The following ZNF345 variants were observed in gnomAD, a reference collection of about 807,000 sequenced individuals.
ZNF345 encodes zinc finger protein 345, also known as zinc finger protein HZF10.
For missense variants in ZNF345, 527 were observed against 589.9 expected (o/e 0.89, Z 1.10); for synonymous variants, 166 against 187.9 (o/e 0.88, Z 0.95).
In ZNF345 at chr19:36,878,276, C is replaced by A. The variant is rs200753949; in HGVS notation, c.1446C>A (p.Cys482Ter). The change falls in exon 3 of 3, where the codon TGC (cysteine) becomes TGA (stop). Residue 482 changes from cysteine (C) to a stop codon, truncating the protein, a stop_gained. Coordinates refer to ENST00000420450, the MANE Select transcript of ZNF345 (RefSeq NM_001242472.2). LOFTEE classifies it high-confidence loss of function. ...HKKSHNGKKLCELETIN is the reference protein window; with the variant it reads ...HKKSHNGKKL The stretch of plus-strand genomic sequence containing the variant: ...AAAGTCATAATGGTAAGAAACTCTG[C>A]GAATTGGAAACTATAAATTGAAATT... 2.2e-4 allele frequency: 352 copies of A among 1,572,466 alleles called. 1 individual carries two copies. The highest frequency in any genetic ancestry group is 2.8e-4 in the Non-Finnish European group (325 of 1,163,046).
At chr19:36,871,008 G>GT (rs1234803820) in intron 2 of ZNF345, among the ~76,000 whole-genome samples, 2 of 152,154 alleles carry the variant, frequency 1.3e-5, no homozygotes, top group Admixed American at 1.3e-4. Flanking sequence ...TTGGGCCACT[G>GT]TAACAAAGTA....
In ZNF345 at chr19:36,892,172, T is replaced by C; in HGVS notation, c.47-646T>C. On this transcript the variant is annotated intron_variant, in intron 3 of 3. Coordinates refer to the ZNF345 transcript ENST00000526123. ...TTACATTCATAGGGTTTTTTACCAG[T>C]GTGAATCCTCTGATGTCGAGTAACG... 2 of 1,614,186 alleles carry C rather than the reference T, an allele frequency of 1.2e-6. No individual in the cohort carries two copies. Among genetic ancestry groups the C allele is most frequent in the Non-Finnish European group, 1.7e-6 (2 of 1,180,030 alleles).
In ZNF345 at chr19:36,869,483, G is replaced by A. The variant is rs1392841489; in HGVS notation, c.-46-7302G>A. 2.0e-5 allele frequency among the ~76,000 whole-genome samples: 3 copies of A among 152,160 alleles called. No homozygotes were observed. The East Asian group carries it at 5.8e-4, about 29-fold the overall frequency. On this transcript the variant is annotated intron_variant, in intron 2 of 2. Coordinates refer to ENST00000420450, the MANE Select transcript of ZNF345 (RefSeq NM_001242472.2). The stretch of plus-strand genomic sequence containing the variant: ...ATGATTGATTAATCATTGGCCACAT[G>A]ACTGAACTCAGTCTCCAGCCCCACT...
At chr19:36,859,396 TC>T (rs1490325816) in intron 2 of ZNF345, among the ~76,000 whole-genome samples, 2 of 152,022 alleles carry the variant, frequency 1.3e-5, no homozygotes, top group African/African-American at 4.8e-5. Context: ...CCTCAAGTGA[TC>T]CTCCTGCCTC....
chr19:36,887,524 A>G (rs1261389550), intron 3 of ZNF345, among the ~76,000 whole-genome samples: 1 of 152,212 alleles, frequency 6.6e-6, no homozygotes, highest in Non-Finnish European at 1.5e-5. Flanking sequence ...AACAAATTAT[A>G]TATTTTACAA....
At position 36,878,033 on chromosome 19, in the gene ZNF345, A is replaced by G. The variant is rs1435321434; in HGVS notation, c.1203A>G (p.Lys401=). The change falls in exon 3 of 3, where the codon AAA becomes AAG. Residue 401 remains lysine, a synonymous_variant. Coordinates refer to ENST00000420450, the MANE Select transcript of ZNF345 (RefSeq NM_001242472.2). ...CTGGTGAAAGACCCTATGAATGTAAAGAATGTGGAAAGTCCTTTAGTAGTG... is the reference window on the plus strand; with the variant it reads ...CTGGTGAAAGACCCTATGAATGTAAGGAATGTGGAAAGTCCTTTAGTAGTG... The part of the protein sequence containing the change: ...IHTGERPYEC[K]ECGKSFSSGS... 1 of 1,613,488 alleles carries G rather than the reference A, an allele frequency of 6.2e-7. No individual in the cohort carries two copies. The highest frequency in any genetic ancestry group is 1.1e-5 in the South Asian group (1 of 91,024).
chr19:36,881,059 A>C (rs503959), downstream of ZNF345, among the ~76,000 whole-genome samples: 38,713 of 151,926 alleles, frequency 0.25, 7,258 homozygotes, highest in African/African-American at 0.53. Flanking sequence ...TCACAACCTA[A>C]TGTTTTGAAA....
downstream of ZNF345, among the ~76,000 whole-genome samples, chr19:36,884,574 T>C (rs2072986252): frequency 6.6e-6 from 1 of 152,166 alleles, no homozygotes; most frequent in South Asian, 2.1e-4. Context: ...TCCAGTGTTT[T>C]TCTTGGGGTT....
intron 3 of ZNF345, chr19:36,891,816 T>A (rs1305859121): frequency 6.2e-7 from 1 of 1,614,128 alleles, no homozygotes; most frequent in South Asian, 1.1e-5. Flanking sequence ...ACTGCTTACA[T>A]TCATAAGGTT....
downstream of ZNF345, among the ~76,000 whole-genome samples, chr19:36,882,532 G>T (rs1310562655): frequency 6.6e-6 from 1 of 152,170 alleles, no homozygotes; most frequent in African/African-American, 2.4e-5. Flanking sequence ...CTCCCAAAGT[G>T]CTGGGATTAC....
chr19:36,877,805 T>C lies in ZNF345; in HGVS notation c.975T>C (p.Ser325=). ...ECKECEKAFR[S]GSKLIQHQRM... ...AGGAGTGTGAGAAAGCCTTTAGAAG[T>C]GGTTCAAAACTTATTCAGCATCAAA... is the stretch of plus-strand genomic sequence containing the variant. The change falls in exon 3 of 3, where the codon AGT becomes AGC. Residue 325 remains serine, a synonymous_variant. Coordinates refer to ENST00000420450, the MANE Select transcript of ZNF345 (RefSeq NM_001242472.2). 6.2e-7 allele frequency: 1 copy of C among 1,613,566 alleles called. No homozygotes were observed. Among genetic ancestry groups the C allele is most frequent in the Non-Finnish European group, 8.5e-7 (1 of 1,179,852 alleles).
chr19:36,866,816 G>A (rs1280904325), intron 2 of ZNF345, among the ~76,000 whole-genome samples: 1 of 152,196 alleles, frequency 6.6e-6, no homozygotes, highest in Non-Finnish European at 1.5e-5. Flanking sequence ...CTTCCAAAGT[G>A]CTAGTATTAC....
chr19:36,853,318 G>A (rs1433939543), intron 2 of ZNF345, among the ~76,000 whole-genome samples: 4 of 144,914 alleles, frequency 2.8e-5, no homozygotes, highest in Non-Finnish European at 4.5e-5. Flanking sequence ...GCATGATCTC[G>A]GCTCACCACA....
At chr19:36,854,568 T>C (rs565681741) in intron 2 of ZNF345, 2 of 152,308 alleles carry the variant, frequency 1.3e-5, no homozygotes, top group South Asian at 2.1e-4. Context: ...CTGGTAACAG[T>C]GCCTGAGGAA....
At position 36,877,783 on chromosome 19, in the gene ZNF345, A is replaced by C. The variant is rs1214006361; in HGVS notation, c.953A>C (p.Glu318Ala). The C allele has an allele frequency of 6.2e-7, 1 of 1,614,082 alleles. No individual in the cohort carries two copies. The part of the protein sequence containing the change: ...HTGEKPYECK[E>A]CEKAFRSGSK... ...GGTGAGAAACCCTATGAGTGTAAGG[A>C]GTGTGAGAAAGCCTTTAGAAGTGGT... Residue 318 changes from glutamate to alanine, a missense_variant, in exon 3 of 3, where the codon GAG (glutamate) becomes GCG (alanine). Physicochemically the swap from Glu to Ala is moderately radical, Grantham distance 107 (BLOSUM62 -1). Coordinates refer to ENST00000420450, the MANE Select transcript of ZNF345 (RefSeq NM_001242472.2).
Position 36,891,775 on chromosome 19 carries a change from A to G in ZNF345, c.47-1043A>G, listed in dbSNP as rs2073055975. Reference sequence around the variant, plus strand: ...AGCATGAATTCTGTGATGGTTAGTAAGTGTTGAGGCACTATTAAAGGCCTT... The same window carrying G: ...AGCATGAATTCTGTGATGGTTAGTAGGTGTTGAGGCACTATTAAAGGCCTT... On this transcript the variant is annotated intron_variant, in intron 3 of 3. Transcript: ENST00000526123. The G allele has an allele frequency of 6.2e-7, 1 of 1,614,062 alleles. No homozygotes were observed. The highest frequency in any genetic ancestry group is 1.3e-5 in the African/African-American group (1 of 74,934).
At chr19:36,882,937 C>G (rs1376831210), downstream of ZNF345, among the ~76,000 whole-genome samples, 3 of 152,152 alleles carry the variant, frequency 2.0e-5, no homozygotes, top group South Asian at 6.2e-4. Flanking sequence ...GGGCACAAAA[C>G]GCCCAGCTAT....
chr19:36,891,402 C>A, intron 3 of ZNF345: 1 of 1,321,386 alleles, frequency 7.6e-7, no homozygotes, highest in South Asian at 1.8e-5. Context: ...ATAGGAGAAC[C>A]TTTGATAATA....
intron 1 of ZNF345, 160 bp from the exon 2 acceptor site, chr19:36,851,670 T>A (rs562466386): frequency 6.6e-6 from 1 of 152,456 alleles, no homozygotes; most frequent in East Asian, 1.9e-4. Context: ...ACCCTACCGT[T>A]GTCTGTGATG....
Sources: allele counts gnomAD v4.1 joint callset (sites outside exome capture counted in the v4.1 genomes callset), GRCh38; gene constraint gnomAD v4.1.1; transcripts MANE v1.5; gene names NCBI Gene and HGNC (gene_info 2026-07-23, HGNC 2026-07-21).